CFAP20DC: variants seen among roughly 807,000 people sequenced by gnomAD.
CFAP20DC encodes the protein CFAP20 domain containing, also known as protein CFAP20DC.
Under a neutral mutation model 101.7 loss-of-function variants are expected in CFAP20DC, and 84 were observed. The observed-to-expected ratio is 0.83, with a 90% CI of 0.69 to 0.99. The LOEUF (loss-of-function observed/expected upper bound fraction) is 0.99. CFAP20DC is among the 50% of genes least tolerant of loss of function. The pLI is 0.00. For synonymous variants in CFAP20DC, 359 were observed against 351.2 expected (o/e 1.02, Z -0.25); for missense variants, 1,007 against 970.3 (o/e 1.04, Z -0.50).
chr3:58,741,056 A>G (rs1381442096), downstream of CFAP20DC, among the ~76,000 whole-genome samples: 1 of 152,116 alleles, frequency 6.6e-6, no homozygotes, highest in Non-Finnish European at 1.5e-5. Flanking sequence ...GTCCAAATCT[A>G]CTCCTGTAAA....
chr3:58,740,597 C>T (rs1047216315), downstream of CFAP20DC, among the ~76,000 whole-genome samples: 1 of 152,142 alleles, frequency 6.6e-6, no homozygotes, highest in Admixed American at 6.5e-5. This position sits in a 1 kb window ranked among gnomAD's most constrained non-coding sequence, Gnocchi z 4.6. Context: ...CACTACAGTC[C>T]TCTAGGTCCC....
At chr3:58,754,785 G>A (rs565200473) in intron 15 of CFAP20DC, among the ~76,000 whole-genome samples, 20 of 152,264 alleles carry the variant, frequency 1.3e-4, no homozygotes, top group African/African-American at 4.6e-4. Flanking sequence ...TTCCAGCTCC[G>A]TGCTTCCTAC....
At chr3:58,961,078 T>C (rs1470588364) in intron 4 of CFAP20DC, among the ~76,000 whole-genome samples, 1 of 152,234 alleles carries the variant, frequency 6.6e-6, no homozygotes, top group East Asian at 1.9e-4. Flanking sequence ...AACCTTTCAT[T>C]ACTGGGATAA....
intron 10 of CFAP20DC, among the ~76,000 whole-genome samples, chr3:58,867,283 A>G (rs1007399095): frequency 6.6e-6 from 1 of 152,210 alleles, no homozygotes; most frequent in African/African-American, 2.4e-5. Flanking sequence ...ATCTACATAT[A>G]CATGCCTCGA....
intron 4 of CFAP20DC, among the ~76,000 whole-genome samples, chr3:58,953,142 T>A (rs550421845): frequency 1.3e-5 from 2 of 152,256 alleles, no homozygotes; most frequent in African/African-American, 4.8e-5. Context: ...ACGTTTAAGC[T>A]GAGTTGAGCG....
Position 58,869,027 on chromosome 3 carries a change from G to GTTC in CFAP20DC, c.1015+300_1015+301insGAA, listed in dbSNP as rs1230123637. 1.3e-5 allele frequency among the ~76,000 whole-genome samples: 2 copies of GTTC among 152,150 alleles called. No individual in the cohort carries two copies. The highest frequency in any genetic ancestry group is 4.8e-5 in the African/African-American group (2 of 41,440). Reference sequence around the variant, plus strand: ...ATATTAAGCTAAGAACACTTAAAATGCACATGGCATTTCCAAAATACAGTG... The same window carrying GTTC: ...ATATTAAGCTAAGAACACTTAAAATGTTCCACATGGCATTTCCAAAATACAGTG... On this transcript the variant is annotated intron_variant, in intron 9 of 16. Transcript: ENST00000482387. The surrounding 1 kb of genome is among the most constrained non-coding windows in gnomAD (Gnocchi z 4.3).
chr3:58,941,327 C>CAAAAAAAAAAAAAAAAAAAAAA (rs752324535), intron 4 of CFAP20DC, among the ~76,000 whole-genome samples: 1 of 19,510 alleles, frequency 5.1e-5, no homozygotes, highest in African/African-American at 1.8e-4. Context: ...GACTCCGTCT[C>CAAAAAAAAAAAAAAAAAAAAAA]AAAAAAAAAA....
chr3:59,018,732 T>G (rs2093740388), intron 4 of CFAP20DC: 1 of 152,110 alleles, frequency 6.6e-6, no homozygotes, highest in East Asian at 1.9e-4. Flanking sequence ...TAATTCTGGA[T>G]CAAAAACATA....
rs1177751851 is a variant in CFAP20DC at position 58,849,084 on chromosome 3, G to T, written c.1919C>A (p.Thr640Asn). The T allele has an allele frequency of 2.0e-6, 3 of 1,536,088 alleles. No individual in the cohort carries two copies. The highest frequency in any genetic ancestry group is 2.0e-5 in the Admixed American group (1 of 50,994). ...TTCCCCTGAGATTTCTTTCAGGGAG[G>T]TTTTGTTTAGTGAAGCTGGCACTTG... ...AQQVPASLNK[T>N]SLKEISGERL... The change falls in exon 13 of 17, where the codon ACC becomes AAC. Residue 640 changes from threonine to asparagine, a missense_variant. Thr to Asn is a moderately conservative substitution (Grantham distance 65, BLOSUM62 0). Transcript: ENST00000482387.
intron 15 of CFAP20DC, among the ~76,000 whole-genome samples, chr3:58,775,466 A>T (rs75238600): frequency 0.055 from 8,423 of 152,172 alleles, 518 homozygotes; most frequent in East Asian, 0.35. Context: ...GCAAGTATTT[A>T]TTTGCTAACT....
At chr3:58,955,498 C>A (rs1179925790) in intron 4 of CFAP20DC, among the ~76,000 whole-genome samples, 2 of 152,052 alleles carry the variant, frequency 1.3e-5, no homozygotes, top group Admixed American at 1.3e-4. Context: ...TGATGCCCAC[C>A]CACAGAGGGA....
At chr3:59,010,803 A>G (rs1283657844) in intron 4 of CFAP20DC, among the ~76,000 whole-genome samples, 1 of 152,226 alleles carries the variant, frequency 6.6e-6, no homozygotes, top group Non-Finnish European at 1.5e-5. Flanking sequence ...AACACCATAT[A>G]ATAGGCCAAA....
At chr3:58,764,254 C>G (rs1053645361) in intron 15 of CFAP20DC, among the ~76,000 whole-genome samples, 11 of 152,304 alleles carry the variant, frequency 7.2e-5, no homozygotes, top group Non-Finnish European at 1.3e-4. Context: ...CCTCCTCCAG[C>G]CTTGCTGCCA....
intron 4 of CFAP20DC, among the ~76,000 whole-genome samples, chr3:58,948,240 C>A (rs774066473): frequency 1.3e-4 from 20 of 152,192 alleles, no homozygotes; most frequent in Non-Finnish European, 2.8e-4. Context: ...TATTTTCATG[C>A]CTTTGCTTAT....
chr3:58,755,495 T>C (rs796859050), intron 15 of CFAP20DC, among the ~76,000 whole-genome samples: 6 of 152,308 alleles, frequency 3.9e-5, no homozygotes, highest in South Asian at 2.1e-4. Context: ...AATCACATCA[T>C]GACACCCCCA....
intron 14 of CFAP20DC, among the ~76,000 whole-genome samples, chr3:58,812,124 G>A (rs1451622605): frequency 5.9e-5 from 9 of 152,070 alleles, no homozygotes; most frequent in South Asian, 4.2e-4. Flanking sequence ...AAACTAGCTC[G>A]ACCATTGTGG....
chr3:58,775,575 A>G (rs536036357), intron 15 of CFAP20DC, among the ~76,000 whole-genome samples: 1 of 152,274 alleles, frequency 6.6e-6, no homozygotes, highest in African/African-American at 2.4e-5. Flanking sequence ...TCATATTCAC[A>G]TATGTTTTCT....
At chr3:58,816,402 G>A (rs1359784568) in intron 14 of CFAP20DC, among the ~76,000 whole-genome samples, 4 of 152,188 alleles carry the variant, frequency 2.6e-5, no homozygotes, top group Non-Finnish European at 5.9e-5. Context: ...ACTAGGGAGT[G>A]CCAGACAGTG....
intron 16 of CFAP20DC, among the ~76,000 whole-genome samples, chr3:58,748,780 T>G (rs955759394): frequency 1.3e-5 from 2 of 152,220 alleles, no homozygotes; most frequent in African/African-American, 2.4e-5. Context: ...GTGGTTCTTA[T>G]CCACCTAAAT....
Sources: gnomAD v4.1 joint callset for allele counts (sites outside exome capture counted in the v4.1 genomes callset) on GRCh38, gnomAD v4.1.1 for gene constraint, Gnocchi (gnomAD v3.1) non-coding constraint, MANE v1.5 for transcripts, NCBI Gene and HGNC (gene_info 2026-07-23, HGNC 2026-07-21) for gene names.